The following PPP2R2B variants were observed in gnomAD, a reference collection of about 807,000 sequenced individuals.
PPP2R2B encodes protein phosphatase 2 regulatory subunit Bbeta, also known as serine/threonine-protein phosphatase 2A 55 kDa regulatory subunit B beta isoform.
PPP2R2B carries 5 observed loss-of-function variants against 46.0 expected under a neutral mutation model. That is an observed-to-expected ratio of 0.11 (90% CI 0.06 to 0.23). The LOEUF is 0.23. Among genes scored for constraint, PPP2R2B ranks in the 10% least tolerant of loss-of-function variants. The probability of loss-of-function intolerance (pLI) is 1.00; values close to 1 mark genes in which losing one functional copy is unlikely to be tolerated. For synonymous variants in PPP2R2B, 215 were observed against 206.7 expected, an observed-to-expected ratio of 1.04 and a Z score of -0.34; for missense variants, 367 against 575.0, an observed-to-expected ratio of 0.64 and a Z score of 3.70.
intron 5 of PPP2R2B, among the ~76,000 whole-genome samples, chr5:146,651,574 T>C (rs904029441): frequency 6.6e-6 from 1 of 152,106 alleles, no homozygotes; most frequent in Non-Finnish European, 1.5e-5. Context: ...GAGTTCTGGG[T>C]GAACTGGCTA....
At chr5:146,655,972 G>C (rs2151100870) in intron 5 of PPP2R2B, among the ~76,000 whole-genome samples, 1 of 152,292 alleles carries the variant, frequency 6.6e-6, no homozygotes, top group South Asian at 2.1e-4. Context: ...TCAGAGGAGA[G>C]ACAGCAAAGT....
At chr5:146,823,063 A>G (rs563430560) in intron 2 of PPP2R2B, among the ~76,000 whole-genome samples, 1 of 152,288 alleles carries the variant, frequency 6.6e-6, no homozygotes, top group East Asian at 1.9e-4. Context: ...CTCCATGTGA[A>G]CCAAAAGGTT....
intron 4 of PPP2R2B, among the ~76,000 whole-genome samples, chr5:146,696,068 C>T (rs1042223510): frequency 6.6e-6 from 1 of 151,888 alleles, no homozygotes; most frequent in African/African-American, 2.4e-5. Context: ...CTGATTTTTT[C>T]CCATCCCCCC....
At chr5:146,639,542 C>T (rs1288511920) in intron 6 of PPP2R2B, among the ~76,000 whole-genome samples, 1 of 152,126 alleles carries the variant, frequency 6.6e-6, no homozygotes, top group South Asian at 2.1e-4. Context: ...GGGATCAGGA[C>T]ACAGAGGGGC....
intron 2 of PPP2R2B, chr5:146,751,074 C>T (rs1359304162): frequency 3.9e-5 from 6 of 152,184 alleles, no homozygotes; most frequent in Non-Finnish European, 7.3e-5. Flanking sequence ...CACAGCAACT[C>T]CAAGGAGAGA....
intron 7 of PPP2R2B, among the ~76,000 whole-genome samples, chr5:146,627,741 C>T (rs2151065918): frequency 6.6e-6 from 1 of 152,238 alleles, no homozygotes; most frequent in East Asian, 1.9e-4. Context: ...ATTAGAGGTA[C>T]TAATACCAAT....
intron 1 of PPP2R2B, among the ~76,000 whole-genome samples, chr5:146,988,414 G>A (rs377743960): frequency 6.6e-6 from 1 of 151,866 alleles, no homozygotes; most frequent in Admixed American, 6.6e-5. Context: ...ATCATATCAA[G>A]TATCCTTTCT....
At chr5:146,988,887 CAAAT>C (rs757846798) in intron 1 of PPP2R2B, among the ~76,000 whole-genome samples, 2 of 151,568 alleles carry the variant, frequency 1.3e-5, no homozygotes, top group Admixed American at 6.6e-5. Context: ...AGACAAAACT[CAAAT>C]AAATAAAAAC....
chr5:146,856,201 C>T (rs1357154350), intron 2 of PPP2R2B, among the ~76,000 whole-genome samples: 2 of 152,080 alleles, frequency 1.3e-5, no homozygotes, highest in Non-Finnish European at 2.9e-5. Context: ...TCTTGTTTAG[C>T]CAACACTCTC....
At chr5:146,694,350 T>C (rs1561838505) in intron 4 of PPP2R2B, among the ~76,000 whole-genome samples, 1 of 152,220 alleles carries the variant, frequency 6.6e-6, no homozygotes, top group African/African-American at 2.4e-5. Flanking sequence ...CATATTTATA[T>C]AGTCACGTGA....
intron 8 of PPP2R2B, among the ~76,000 whole-genome samples, chr5:146,599,721 C>T (rs190145263): frequency 7.6e-4 from 116 of 152,274 alleles, no homozygotes; most frequent in African/African-American, 2.7e-3. Flanking sequence ...CATATGTATA[C>T]ATGTGCCATG....
intron 2 of PPP2R2B, among the ~76,000 whole-genome samples, chr5:146,735,161 C>T (rs1284233873): frequency 1.3e-5 from 2 of 151,958 alleles, no homozygotes; most frequent in Non-Finnish European, 2.9e-5. Flanking sequence ...CCGAGTGTGC[C>T]GATGATAATA....
chr5:146,809,881 G>A lies in PPP2R2B; in HGVS notation c.70+68121C>T, dbSNP rs548172218. The stretch of plus-strand genomic sequence containing the variant: ...TCTGTCTGTAGTGCAGGTGGGAAAT[G>A]GCAGTGGCTTAGACTCACATGGTAG... On this transcript the variant is annotated intron_variant, in intron 2 of 9. Coordinates refer to ENST00000394411, the MANE Select transcript of PPP2R2B (RefSeq NM_181675.4). 1.1e-3 allele frequency among the ~76,000 whole-genome samples: 161 copies of A among 152,276 alleles called. 3 individuals are homozygous for A. The highest frequency in any genetic ancestry group is 3.7e-3 in the African/African-American group (152 of 41,560).
Position 146,684,139 on chromosome 5 carries a change from A to T in PPP2R2B, c.447+6989T>A, listed in dbSNP as rs1203866418. On this transcript the variant is annotated intron_variant, in intron 5 of 9. Transcript: ENST00000394411. ...GCTAAACACGCCATTGTTATATGCAACAAATGTAAGGAAAGGAAAGATGAA... is the reference window on the plus strand; with the variant it reads ...GCTAAACACGCCATTGTTATATGCATCAAATGTAAGGAAAGGAAAGATGAA... Among the ~76,000 whole-genome samples, 3 of 152,342 alleles carry T rather than the reference A, an allele frequency of 2.0e-5. No individual in the cohort carries two copies. The South Asian group carries it at 6.2e-4, about 32-fold the overall frequency.
chr5:146,791,533 G>A (rs1204081409), intron 2 of PPP2R2B, among the ~76,000 whole-genome samples: 1 of 151,944 alleles, frequency 6.6e-6, no homozygotes, highest in Non-Finnish European at 1.5e-5. Context: ...GGACCAATGA[G>A]AGTTAGGTCC....
chr5:146,891,592 A>T (rs980204063), intron 1 of PPP2R2B, among the ~76,000 whole-genome samples: 1 of 152,202 alleles, frequency 6.6e-6, no homozygotes, highest in African/African-American at 2.4e-5. Context: ...TTCAACATCA[A>T]ATTTTTATTA....
intron 1 of PPP2R2B, among the ~76,000 whole-genome samples, chr5:146,974,453 T>C (rs1051077358): frequency 2.1e-4 from 32 of 152,098 alleles, no homozygotes; most frequent in African/African-American, 7.7e-4. Context: ...GGCAGTCCCG[T>C]GCTGGGGTTG....
At chr5:146,653,429 T>C (rs1173087731) in intron 5 of PPP2R2B, among the ~76,000 whole-genome samples, 1 of 152,158 alleles carries the variant, frequency 6.6e-6, no homozygotes, top group Admixed American at 6.5e-5. Flanking sequence ...TTTTCAGAAA[T>C]GTGTGCCATG....
At chr5:146,980,605 G>T (rs1347165989) in intron 1 of PPP2R2B, among the ~76,000 whole-genome samples, 1 of 152,132 alleles carries the variant, frequency 6.6e-6, no homozygotes, top group Non-Finnish European at 1.5e-5. Flanking sequence ...GTTCCCTGTG[G>T]AACTAGATGG....
Sources: allele counts gnomAD v4.1 joint callset (sites outside exome capture counted in the v4.1 genomes callset), GRCh38; gene constraint gnomAD v4.1.1; transcripts MANE v1.5; gene names NCBI Gene and HGNC (gene_info 2026-07-23, HGNC 2026-07-21).